Variants in STON1 observed in about 807,000 individuals in gnomAD.
STON1 encodes stonin-1.
A neutral mutation model predicts 60.9 loss-of-function variants in STON1; 79 were observed. The observed-to-expected ratio is 1.30, with a 90% confidence interval of 1.08 to 1.56. The LOEUF (loss-of-function observed/expected upper bound fraction) is 1.56. Among genes scored for constraint, STON1 ranks in the 40% most tolerant of loss-of-function variants. The pLI, the probability that STON1 is intolerant of heterozygous loss-of-function variation, is 0.00. For missense variants in STON1, 1,166 were observed against 858.9 expected, an observed-to-expected ratio of 1.36 and a Z score of -4.47; for synonymous variants, 363 against 306.9, an observed-to-expected ratio of 1.18 and a Z score of -1.91.
rs868793995 is a variant in STON1, at chr2:48,575,763, T to G, written c.-47-4824T>G. On this transcript the variant is annotated intron_variant, in intron 1 of 3. Transcript: ENST00000404752. The stretch of plus-strand genomic sequence containing the variant: ...TTCTATTTTTAGTTTTTGTTTGTTT[T>G]TTTTTTTTTTTTGAGATGCAGTTTT... Among the ~76,000 whole-genome samples, 109 of 140,378 alleles carry G rather than the reference T, an allele frequency of 7.8e-4. 4 individuals carry two copies. The highest frequency in any genetic ancestry group is 2.0e-3 in the Admixed American group (29 of 14,622). The allele number at this position is 140,378 out of a possible 152,430, so 92.1% of individuals were successfully genotyped here. A position where few individuals can be genotyped will look rare whatever the true frequency, so the allele number is the denominator to read the frequency against.
At chr2:48,580,192 C>G (rs2882084) in intron 1 of STON1, among the ~76,000 whole-genome samples, 49,504 of 151,900 alleles carry the variant, frequency 0.33, 8,207 homozygotes, top group East Asian at 0.42. Context: ...ACAGTTGTGA[C>G]CCACCATTCC....
Position 48,582,226 on chromosome 2 carries a change from G to T in STON1, c.1593G>T (p.Lys531Asn). The T allele has an allele frequency of 6.2e-7, 1 of 1,614,206 alleles. No individual in the cohort carries two copies. The highest frequency in any genetic ancestry group is 8.5e-7 in the Non-Finnish European group (1 of 1,180,048). Residue 531 changes from lysine to asparagine, a missense_variant, in exon 2 of 4, where the codon AAG (lysine) becomes AAT (asparagine). Coordinates refer to ENST00000404752, the MANE Select transcript of STON1 (RefSeq NM_006873.4). ...GGGATAATCTTCCCTTTTCCTTGAA[G>T]TCTGTAGTGGTTGTCCAGGGAGCAT... is the stretch of plus-strand genomic sequence containing the variant. ...YNGDNLPFSL[K>N]SVVVVQGAYV...
At chr2:48,583,831 A>T (rs2103926447) in intron 2 of STON1, among the ~76,000 whole-genome samples, 1 of 149,460 alleles carries the variant, frequency 6.7e-6, no homozygotes, top group South Asian at 2.1e-4. Flanking sequence ...GGCTTACTGC[A>T]ACCTCCGCCT....
At chr2:48,544,551 G>C (rs1671785594) in intron 1 of STON1, among the ~76,000 whole-genome samples, 1 of 151,958 alleles carries the variant, frequency 6.6e-6, no homozygotes, top group Admixed American at 6.6e-5. Context: ...TTTTTGTTTT[G>C]TTTTGTTTTT....
At chr2:48,564,326 G>A (rs543859603) in intron 1 of STON1, among the ~76,000 whole-genome samples, 24 of 152,170 alleles carry the variant, frequency 1.6e-4, no homozygotes, top group Admixed American at 2.6e-4. Flanking sequence ...TCTGGTGAGG[G>A]TTGCAGATGG....
chr2:48,564,452 CTT>C (rs1672760870), intron 1 of STON1, among the ~76,000 whole-genome samples: 1 of 54,000 alleles, frequency 1.9e-5, no homozygotes, highest in African/African-American at 7.0e-5. Context: ...TCTTCTTCTT[CTT>C]CTTCTTCTTC....
At chr2:48,553,450 T>C (rs987315147) in intron 1 of STON1, among the ~76,000 whole-genome samples, 1 of 151,254 alleles carries the variant, frequency 6.6e-6, no homozygotes, top group Non-Finnish European at 1.5e-5. Flanking sequence ...CTCTCTCGTT[T>C]GTTTTGTTTT....
chr2:48,561,059 C>A (rs1161853776), intron 1 of STON1, among the ~76,000 whole-genome samples: 3 of 152,204 alleles, frequency 2.0e-5, no homozygotes, highest in Non-Finnish European at 4.4e-5. Flanking sequence ...GTGACCCAGC[C>A]CTGGGGCTTT....
chr2:48,582,826 C>A (rs17037412), intron 2 of STON1, among the ~76,000 whole-genome samples: 1 of 152,020 alleles, frequency 6.6e-6, no homozygotes, highest in Non-Finnish European at 1.5e-5. Context: ...TTGTGGATGG[C>A]GGCACTAAGA....
At chr2:48,562,975 C>G (rs140921294) in intron 1 of STON1, among the ~76,000 whole-genome samples, 1 of 152,362 alleles carries the variant, frequency 6.6e-6, no homozygotes, top group Non-Finnish European at 1.5e-5. Flanking sequence ...GTGATACTTA[C>G]TCAAATTGTA....
At chr2:48,594,359 T>C (rs542761611) in intron 3 of STON1, among the ~76,000 whole-genome samples, 5 of 152,194 alleles carry the variant, frequency 3.3e-5, no homozygotes, top group Non-Finnish European at 7.4e-5. Context: ...TAAAAATTAC[T>C]TTACAAAGTA....
chr2:48,597,461 A>C lies in STON1; in HGVS notation c.*2159A>C, dbSNP rs1235931248. On this transcript the variant is annotated 3_prime_UTR_variant, in exon 4 of 4. Coordinates refer to ENST00000404752, the MANE Select transcript of STON1 (RefSeq NM_006873.4). ...AGAACTCACAGTCTGATTAGGATGA[A>C]CTTAATGACTATTTACACCTCAAAA... 1.3e-5 allele frequency: 2 copies of C among 152,180 alleles called. No individual in the cohort carries two copies. The highest frequency in any genetic ancestry group is 4.8e-5 in the African/African-American group (2 of 41,442). The allele number at this position is 152,180 out of a possible 1,614,324, so 9.4% of individuals were successfully genotyped here.
intron 2 of STON1, among the ~76,000 whole-genome samples, chr2:48,587,290 T>C (rs1038170152): frequency 6.6e-6 from 1 of 151,944 alleles, no homozygotes; most frequent in African/African-American, 2.4e-5. Context: ...TGAGTATTTA[T>C]TTATTTATTT....
At chr2:48,579,066 C>G (rs1228425258) in intron 1 of STON1, among the ~76,000 whole-genome samples, 1 of 151,876 alleles carries the variant, frequency 6.6e-6, no homozygotes, top group Admixed American at 6.6e-5. Context: ...AGTAATGACA[C>G]AGTCTCTGTT....
At chr2:48,593,763 T>C (rs902417156) in intron 3 of STON1, among the ~76,000 whole-genome samples, 4 of 152,186 alleles carry the variant, frequency 2.6e-5, no homozygotes, top group Non-Finnish European at 2.9e-5. Flanking sequence ...TCCTATACTA[T>C]AGTAATGTGA....
chr2:48,551,663 C>G (rs1449292127), intron 1 of STON1, among the ~76,000 whole-genome samples: 2 of 152,262 alleles, frequency 1.3e-5, no homozygotes, highest in Non-Finnish European at 2.9e-5. Context: ...AGCAGTTAGT[C>G]TCCCGCATTT....
At chr2:48,554,369 G>A (rs1672222612) in intron 1 of STON1, among the ~76,000 whole-genome samples, 1 of 152,128 alleles carries the variant, frequency 6.6e-6, no homozygotes, top group South Asian at 2.1e-4. Flanking sequence ...TTACAGGCGT[G>A]CACCACCATG....
At chr2:48,541,266 C>G (rs1210108707) in intron 1 of STON1, among the ~76,000 whole-genome samples, 4 of 151,864 alleles carry the variant, frequency 2.6e-5, no homozygotes, top group Admixed American at 6.6e-5. Flanking sequence ...AGGACAGTCA[C>G]TTGAACCTAA....
At chr2:48,590,009 C>T (rs906064932) in intron 2 of STON1, among the ~76,000 whole-genome samples, 2 of 152,136 alleles carry the variant, frequency 1.3e-5, no homozygotes, top group Non-Finnish European at 2.9e-5. Context: ...AACTGAGGCT[C>T]AGAGAGATAA....
Sources: gnomAD v4.1 joint callset for allele counts (sites outside exome capture counted in the v4.1 genomes callset) on GRCh38, gnomAD v4.1.1 for gene constraint, MANE v1.5 for transcripts, NCBI Gene and HGNC (gene_info 2026-07-23, HGNC 2026-07-21) for gene names.